The following ZNF300 variants were observed in gnomAD, a reference collection of about 807,000 sequenced individuals.
The protein encoded by ZNF300 is kruppel-like zinc finger protein.
ZNF300 carries 6 observed loss-of-function variants against 13.9 expected under a neutral mutation model. The observed-to-expected ratio is 0.43, with a 90% confidence interval of 0.24 to 0.85. The LOEUF (loss-of-function observed/expected upper bound fraction) is 0.85, where lower values mean the gene tolerates loss of function less well. Ranked by LOEUF, ZNF300 falls within the 40% of genes least tolerant of loss-of-function variation. The pLI, the probability that ZNF300 is intolerant of heterozygous loss-of-function variation, is 0.25. For missense variants in ZNF300, 662 were observed against 714.2 expected (o/e 0.93, Z 0.83); for synonymous variants, 237 against 242.2 (o/e 0.98, Z 0.20).
chr5:150,897,045 T>C (rs1754817470), intron 5 of ZNF300, 72 bp from the exon 6 acceptor site: 2 of 1,221,272 alleles, frequency 1.6e-6, no homozygotes, highest in Non-Finnish European at 1.1e-6. Context: ...GTAGAACAAA[T>C]GGATGATCCA....
chr5:150,903,019 C>T (rs924724559), intron 3 of ZNF300, 122 bp downstream of exon 3: 14 of 1,007,470 alleles, frequency 1.4e-5, no homozygotes, highest in East Asian at 2.4e-5. Flanking sequence ...GAAACTCTTT[C>T]GAGGTCTTGA....
chr5:150,896,860 C>T lies in ZNF300; in HGVS notation c.379G>A (p.Val127Ile). ...RDGSLCSILKVCQGDGQLQRF... is the reference protein window; with the variant it reads ...RDGSLCSILKICQGDGQLQRF... Reference sequence around the variant, plus strand: ...TGCAGCTGACCATCACCTTGACAGACTTTTAAAATGGAGCACAATGAACCA... The same window carrying T: ...TGCAGCTGACCATCACCTTGACAGATTTTTAAAATGGAGCACAATGAACCA... Residue 127 changes from valine to isoleucine, a missense_variant, in exon 6 of 6, where the codon GTC becomes ATC. Physicochemically the swap from Val to Ile is conservative, Grantham distance 29 (BLOSUM62 3). Transcript: ENST00000274599. 6.2e-7 allele frequency: 1 copy of T among 1,613,696 alleles called. No individual in the cohort carries two copies. Among genetic ancestry groups the T allele is most frequent in the Non-Finnish European group, 8.5e-7 (1 of 1,179,754 alleles).
At position 150,895,650 on chromosome 5, in the gene ZNF300, A is replaced by G; in HGVS notation, c.1589T>C (p.Phe530Ser). 6.2e-7 allele frequency: 1 copy of G among 1,613,196 alleles called. No individual in the cohort carries two copies. The highest frequency in any genetic ancestry group is 8.5e-7 in the Non-Finnish European group (1 of 1,179,546). Residue 530 changes from phenylalanine to serine, a missense_variant, in exon 6 of 6, where the codon TTC (phenylalanine) becomes TCC (serine). Coordinates refer to ENST00000274599, the MANE Select transcript of ZNF300 (RefSeq NM_052860.4). ...PYICTECGKA[F>S]SQKSHLPGHQ... ...TCCCGGAAGGTGGGACTTCTGAGAG[A>G]AGGCTTTCCCACATTCAGTACATAT...
chr5:150,898,479 TC>T lies in ZNF300; in HGVS notation c.90del (p.Thr31ProfsTer6). Reference sequence around the variant, plus strand: ...TCCAGCATCACATCCCTGTACAGGGTCCTCTGAGAAGGGTCAAGTTGCTGCC... The same window carrying T: ...TCCAGCATCACATCCCTGTACAGGGTCTCTGAGAAGGGTCAAGTTGCTGCC... ...EEWQQLDPSQ[R>X]TLYRDVMLEN... is the part of the protein sequence containing the mutation. On this transcript the variant is annotated frameshift_variant, in exon 4 of 6. Transcript: ENST00000274599. LOFTEE classifies it high-confidence loss of function. 6.2e-7 allele frequency: 1 copy of T among 1,613,262 alleles called. No homozygotes were observed. Among genetic ancestry groups the T allele is most frequent in the Non-Finnish European group, 8.5e-7 (1 of 1,179,524 alleles).
intron 5 of ZNF300, 41 bp downstream of exon 5, chr5:150,898,021 C>T (rs1289159119): frequency 6.3e-7 from 1 of 1,592,060 alleles, no homozygotes; most frequent in Non-Finnish European, 8.5e-7. Flanking sequence ...AAACCTCAGG[C>T]ACCAATCAAT....
chr5:150,897,262 T>C (rs1414494495), intron 5 of ZNF300: 4 of 296,348 alleles, frequency 1.3e-5, no homozygotes, highest in Non-Finnish European at 2.5e-5. Context: ...GCTTTCTGAA[T>C]AGAAACCCCT....
rs1581657149 is a variant in ZNF300 at position 150,894,817 on chromosome 5, A to G, written c.*607T>C. 1 of 152,308 alleles carries G rather than the reference A, an allele frequency of 6.6e-6. No homozygotes were observed. Among genetic ancestry groups the G allele is most frequent in the African/African-American group, 2.4e-5 (1 of 41,450 alleles). The allele number at this position is 152,308 out of a possible 1,614,324, so 9.4% of individuals were successfully genotyped here. A position where few individuals can be genotyped will look rare whatever the true frequency, so the allele number is the denominator to read the frequency against. ...TTCAGCTCCAAGTTCCCAGTTGGGA[A>G]GAGTAAAAGGGAGACCTGCTCAAAA... is the stretch of plus-strand genomic sequence containing the variant. On this transcript the variant is annotated 3_prime_UTR_variant, in exon 6 of 6. Coordinates refer to ENST00000274599, the MANE Select transcript of ZNF300 (RefSeq NM_052860.4).
chr5:150,903,084 A>ATATG, intron 3 of ZNF300, 57 bp downstream of exon 3: 1 of 1,550,282 alleles, frequency 6.5e-7, no homozygotes, highest in East Asian at 2.2e-5. Flanking sequence ...TTTACTTTCC[A>ATATG]TTTGATTGTA....
intron 5 of ZNF300, chr5:150,897,531 A>G (rs1011720099): frequency 6.4e-6 from 1 of 155,586 alleles, no homozygotes; most frequent in East Asian, 1.9e-4. Flanking sequence ...AAAACTAGTA[A>G]AGTTCTCCCA....
rs1274869854 is a variant in ZNF300, at chr5:150,895,669, T to C, written c.1570A>G (p.Thr524Ala). The change falls in exon 6 of 6, where the codon ACT becomes GCT. Residue 524 changes from threonine (T) to alanine (A), a missense_variant. By Grantham distance (58) the Thr-to-Ala change is moderately conservative (BLOSUM62 0). Transcript: ENST00000274599. ...IHTGEKPYIC[T>A]ECGKAFSQKS... ...TGAGAGAAGGCTTTCCCACATTCAG[T>C]ACATATATAAGGTTTTTCTCCTGTG... 1 of 1,613,368 alleles carries C rather than the reference T, an allele frequency of 6.2e-7. No individual in the cohort carries two copies. Among genetic ancestry groups the C allele is most frequent in the Middle Eastern group, 1.7e-4 (1 of 6,054 alleles).
rs757310035 is a variant in ZNF300, at chr5:150,895,420, T to G, written c.*4A>C. The G allele has an allele frequency of 6.3e-7, 1 of 1,582,748 alleles. No homozygotes were observed. Among genetic ancestry groups the G allele is most frequent in the South Asian group, 1.2e-5 (1 of 86,190 alleles). ...AATACTAAGGCTTTTCTGTGGCCAG[T>G]TCATTATGATTTTACCACTGTGTGA... On this transcript the variant is annotated 3_prime_UTR_variant, in exon 6 of 6. Coordinates refer to ENST00000274599, the MANE Select transcript of ZNF300 (RefSeq NM_052860.4).
rs1554130113 is a variant in ZNF300 at position 150,903,126 on chromosome 5, T to TA, written c.15+14dup. On this transcript the variant is annotated intron_variant, in intron 3 of 5. Transcript: ENST00000274599. Reference sequence around the variant, plus strand: ...ACCAAAGAAGAATTTTTTTTTTTTTTAAAAAGCAACTCACCTGGGACTTCA... The same window carrying TA: ...ACCAAAGAAGAATTTTTTTTTTTTTTAAAAAAGCAACTCACCTGGGACTTCA... 1.8e-5 allele frequency: 29 copies of TA among 1,588,174 alleles called. No homozygotes were observed. The highest frequency in any genetic ancestry group is 1.3e-4 in the East Asian group (6 of 44,742).
rs764043849 is a variant in ZNF300, at chr5:150,898,162, A to G, written c.165T>C (p.Asp55=). Residue 55 remains aspartate (D), a synonymous_variant, in exon 5 of 6, where the codon GAT becomes GAC. Transcript: ENST00000274599. ...VSMGYPVSKP[D]VISKLEQGEE... is the part of the protein sequence containing the mutation. ...CTCCTTGTTCCAACTTGGAGATGACATCTGGTTTGGAAACTGGATACCCTA... is the reference window on the plus strand; with the variant it reads ...CTCCTTGTTCCAACTTGGAGATGACGTCTGGTTTGGAAACTGGATACCCTA... The G allele has an allele frequency of 5.0e-6, 8 of 1,613,490 alleles. No individual in the cohort carries two copies. The highest frequency in any genetic ancestry group is 2.2e-5 in the South Asian group (2 of 91,056).
chr5:150,900,861 A>G (rs566226383), intron 3 of ZNF300: 1 of 152,244 alleles, frequency 6.6e-6, no homozygotes, highest in African/African-American at 2.4e-5. Context: ...TCATTCTAAC[A>G]TTCTGATTTT....
chr5:150,900,795 T>C (rs748346314), intron 3 of ZNF300: 1 of 145,846 alleles, frequency 6.9e-6, no homozygotes, highest in Non-Finnish European at 1.5e-5. Flanking sequence ...ATAAGAAAGA[T>C]AATAAATGTG....
At chr5:150,904,146 T>C (rs893403102) in intron 1 of ZNF300, among the ~76,000 whole-genome samples, 169 bp from the exon 2 acceptor site, 1 of 151,886 alleles carries the variant, frequency 6.6e-6, no homozygotes, top group African/African-American at 2.4e-5. Context: ...TTGGTCTTGT[T>C]TTAAAATGAC....
At position 150,895,468 on chromosome 5, in the gene ZNF300, G is replaced by A. The variant is rs1754722082; in HGVS notation, c.1771C>T (p.Gln591Ter). The A allele has an allele frequency of 6.2e-7, 1 of 1,612,284 alleles. No individual in the cohort carries two copies. Among genetic ancestry groups the A allele is most frequent in the Non-Finnish European group, 8.5e-7 (1 of 1,179,074 alleles). The part of the protein sequence containing the change: ...ICGKAFIQKS[Q>*]LTVHQRIHTV... ...TGAATTCTCTGGTGTACAGTTAGTT[G>A]TGACTTCTGGATGAAGGCCTTCCCA... is the stretch of plus-strand genomic sequence containing the variant. The change falls in exon 6 of 6, where the codon CAA (glutamine) becomes TAA (stop). Residue 591 changes from glutamine (Q) to a stop codon, truncating the protein, a stop_gained. Coordinates refer to ENST00000274599, the MANE Select transcript of ZNF300 (RefSeq NM_052860.4). LOFTEE classifies it high-confidence loss of function.
At chr5:150,902,382 G>A (rs1755021294) in intron 3 of ZNF300, among the ~76,000 whole-genome samples, 1 of 152,152 alleles carries the variant, frequency 6.6e-6, no homozygotes, top group African/African-American at 2.4e-5. Flanking sequence ...CATTCAAAAT[G>A]TGCCTATCTT....
chr5:150,898,690 C>T, intron 3 of ZNF300, 136 bp from the exon 4 acceptor site: 2 of 943,542 alleles, frequency 2.1e-6, no homozygotes, highest in Non-Finnish European at 1.5e-6. Flanking sequence ...TTTTAGCAAG[C>T]AGAGCCAGGC....
Sources: allele counts gnomAD v4.1 joint callset (sites outside exome capture counted in the v4.1 genomes callset), GRCh38; gene constraint gnomAD v4.1.1; transcripts MANE v1.5; gene names NCBI Gene and HGNC (gene_info 2026-07-23, HGNC 2026-07-21).